DCAKD: variants seen among roughly 807,000 people sequenced by gnomAD.
DCAKD encodes dephospho-CoA kinase domain-containing protein.
Under a neutral mutation model 18.7 loss-of-function variants are expected in DCAKD, and 15 were observed. The observed-to-expected ratio is 0.80, with a 90% confidence interval of 0.54 to 1.24. DCAKD has a LOEUF of 1.24. Among genes scored for constraint, DCAKD ranks in the 50% most tolerant of loss-of-function variants. DCAKD has a pLI of 0.00. For synonymous variants in DCAKD, 130 were observed against 133.0 expected (o/e 0.98, Z 0.16); for missense variants, 301 against 322.0 (o/e 0.93, Z 0.50).
At chr17:45,041,862 C>T (rs1012104826) in intron 1 of DCAKD, among the ~76,000 whole-genome samples, 3 of 151,712 alleles carry the variant, frequency 2.0e-5, no homozygotes, top group Non-Finnish European at 2.9e-5. Flanking sequence ...CTCACGCCTG[C>T]AATCGCAGCA....
At chr17:45,036,385 G>A (rs542049409) in intron 1 of DCAKD, among the ~76,000 whole-genome samples, 2 of 152,216 alleles carry the variant, frequency 1.3e-5, no homozygotes, top group East Asian at 3.9e-4. Context: ...GCCTGGTGGC[G>A]GGCGCCTGCA....
chr17:45,043,387 C>T (rs1157441558), intron 1 of DCAKD, among the ~76,000 whole-genome samples: 1 of 152,202 alleles, frequency 6.6e-6, no homozygotes, highest in Non-Finnish European at 1.5e-5. Flanking sequence ...CTGCAGTCTA[C>T]TCCATTTGTA....
intron 1 of DCAKD, among the ~76,000 whole-genome samples, chr17:45,042,646 T>C (rs1053465515): frequency 2.0e-5 from 3 of 152,256 alleles, no homozygotes; most frequent in African/African-American, 7.2e-5. Flanking sequence ...GAACCAGTGG[T>C]TGCAAAAATA....
chr17:45,055,620 C>T (rs2053771574), upstream of DCAKD, among the ~76,000 whole-genome samples: 1 of 152,108 alleles, frequency 6.6e-6, no homozygotes, highest in Non-Finnish European at 1.5e-5. Context: ...GACTTTCTAC[C>T]TAGAAGGTCC....
intron 1 of DCAKD, among the ~76,000 whole-genome samples, chr17:45,044,692 T>TC (rs1335499340): frequency 0.067 from 386 of 5,764 alleles, 4 homozygotes; most frequent in African/African-American, 0.26. Context: ...ACTCCATCAA[T>TC]AAATAAATAA....
intron 1 of DCAKD, among the ~76,000 whole-genome samples, chr17:45,042,106 C>T (rs909020769): frequency 1.3e-5 from 2 of 151,792 alleles, no homozygotes; most frequent in Non-Finnish European, 2.9e-5. Flanking sequence ...CAGAATAAGA[C>T]CTGACTTAAA....
intron 4 of DCAKD, among the ~76,000 whole-genome samples, chr17:45,024,934 A>G (rs2053023628): frequency 6.7e-6 from 1 of 150,158 alleles, no homozygotes; most frequent in South Asian, 2.1e-4. Context: ...CACTCCACTC[A>G]CTGTGAGGAA....
upstream of DCAKD, chr17:45,054,017 A>C: frequency 2.0e-6 from 1 of 504,036 alleles, no homozygotes; most frequent in Non-Finnish European, 4.0e-6. Flanking sequence ...TTGAGGAATT[A>C]AGTAATTTAA....
chr17:45,054,055 G>T, upstream of DCAKD: 1 of 517,752 alleles, frequency 1.9e-6, no homozygotes, highest in Non-Finnish European at 3.9e-6. Flanking sequence ...CTGAGTCCCT[G>T]AAAGCTTTCT....
rs117685289 is a variant in DCAKD, at chr17:45,032,227, A to G, written c.316+1960T>C. On this transcript the variant is annotated intron_variant, in intron 3 of 4. Coordinates refer to ENST00000651974, the MANE Select transcript of DCAKD (RefSeq NM_001288655.2). Reference sequence around the variant, plus strand: ...GCACAACATAGGAGGCAGCACAAAGAGTCCAGAGGGAGGACTCTTCTTGAG... The same window carrying G: ...GCACAACATAGGAGGCAGCACAAAGGGTCCAGAGGGAGGACTCTTCTTGAG... 7.1e-3 allele frequency: 4,423 copies of G among 625,874 alleles called. 11 individuals carry two copies. Among genetic ancestry groups the G allele is most frequent in the Non-Finnish European group, 7.9e-3 (3,983 of 502,090 alleles). 38.8% of individuals were successfully genotyped at this position (625,874 alleles called of 1,614,324 possible). A position where few individuals can be genotyped will look rare whatever the true frequency, so the allele number is the denominator to read the frequency against.
chr17:45,057,429 G>A (rs1597992688), intron 1 of DCAKD, among the ~76,000 whole-genome samples: 1 of 151,888 alleles, frequency 6.6e-6, no homozygotes, highest in Non-Finnish European at 1.5e-5. Context: ...TCGGCTGGGC[G>A]CAGTGGCTCA....
At chr17:45,052,201 C>T (rs1391451609), upstream of DCAKD, among the ~76,000 whole-genome samples, 1 of 152,070 alleles carries the variant, frequency 6.6e-6, no homozygotes, top group Non-Finnish European at 1.5e-5. Flanking sequence ...TTTTCCTTTC[C>T]CCGGAGCCGG....
At chr17:45,060,084 T>C (rs1215313559) in intron 1 of DCAKD, among the ~76,000 whole-genome samples, 1 of 151,256 alleles carries the variant, frequency 6.6e-6, no homozygotes, top group Admixed American at 6.6e-5. Context: ...AGCCTGGGAG[T>C]CAGAGAGAGA....
intron 3 of DCAKD, among the ~76,000 whole-genome samples, chr17:45,030,504 AG>A (rs961841881): frequency 2.6e-5 from 4 of 152,206 alleles, no homozygotes; most frequent in Admixed American, 2.0e-4. Context: ...GCACAGGGAG[AG>A]GGAGGCTCTA....
At chr17:45,036,813 A>G (rs1012866798) in intron 1 of DCAKD, among the ~76,000 whole-genome samples, 4 of 152,210 alleles carry the variant, frequency 2.6e-5, no homozygotes, top group African/African-American at 9.6e-5. Context: ...AATTAAATCA[A>G]AGGCCAGGTC....
At position 45,034,235 on chromosome 17, in the gene DCAKD, C is replaced by CGGGGTGGG. The variant is rs2053237256; in HGVS notation, c.260_267dup (p.Glu90ProfsTer9). The CGGGGTGGG allele has an allele frequency of 1.2e-6, 2 of 1,614,070 alleles. No individual in the cohort carries two copies. Among genetic ancestry groups the CGGGGTGGG allele is most frequent in the East Asian group, 4.5e-5 (2 of 44,880 alleles). On this transcript the variant is annotated frameshift_variant, in exon 3 of 5. Transcript: ENST00000651974. LOFTEE classifies it high-confidence loss of function. ...TCCTTCATCATCTCCTTGCGAATCT[C>CGGGGTGGG]GGGGTGGGTGATGGCGTTGAGCAGC...
At chr17:45,057,719 C>T (rs865819052) in intron 1 of DCAKD, among the ~76,000 whole-genome samples, 251 of 133,360 alleles carry the variant, frequency 1.9e-3, no homozygotes, top group African/African-American at 6.4e-3. Context: ...AAAAAAAAAA[C>T]AGTAATTCAG....
rs975834320 is a variant in DCAKD at position 45,026,939 on chromosome 17, A to G, written c.405-2215T>C. On this transcript the variant is annotated intron_variant, in intron 4 of 4. Coordinates refer to ENST00000651974, the MANE Select transcript of DCAKD (RefSeq NM_001288655.2). ...CTGGATGTGGGGCAGCACCTCCGAC[A>G]GCCCTTCCTGGGGCTCAGAAATGGT... 8 of 423,758 alleles carry G rather than the reference A, an allele frequency of 1.9e-5. No homozygotes were observed. In the East Asian group the frequency reaches 1.3e-3, roughly 68 times the overall value. 26.2% of individuals were successfully genotyped at this position (423,758 alleles called of 1,614,324 possible). A position where few individuals can be genotyped will look rare whatever the true frequency, so the allele number is the denominator to read the frequency against.
intron 3 of DCAKD, among the ~76,000 whole-genome samples, chr17:45,033,294 C>T (rs2053212112): frequency 6.6e-6 from 1 of 152,206 alleles, no homozygotes; most frequent in Non-Finnish European, 1.5e-5. Context: ...AAATACTCCC[C>T]TTCCCCTACC....
Sources: gnomAD v4.1 joint callset for allele counts (sites outside exome capture counted in the v4.1 genomes callset) on GRCh38, gnomAD v4.1.1 for gene constraint, MANE v1.5 for transcripts, NCBI Gene and HGNC (gene_info 2026-07-23, HGNC 2026-07-21) for gene names.